STPG2: variants seen among roughly 807,000 people sequenced by gnomAD.
The protein encoded by STPG2 is sperm tail PG-rich repeat containing 2, also known as sperm-tail PG-rich repeat-containing protein 2.
A neutral mutation model predicts 54.2 loss-of-function variants in STPG2; 56 were observed. That is an observed-to-expected ratio of 1.03 (90% CI 0.83 to 1.29). The LOEUF is 1.29. STPG2 is among the 50% of genes most tolerant of loss of function. The pLI is 0.00. For missense variants in STPG2, 596 were observed against 544.9 expected, an observed-to-expected ratio of 1.09 and a Z score of -0.93; for synonymous variants, 200 against 181.8, an observed-to-expected ratio of 1.10 and a Z score of -0.81.
At chr4:97,537,612 CT>C (rs1206526995) in intron 4 of STPG2, among the ~76,000 whole-genome samples, 3 of 152,200 alleles carry the variant, frequency 2.0e-5, no homozygotes, top group African/African-American at 7.2e-5. Flanking sequence ...GACTCCACCT[CT>C]GGGGGCAGGG....
intron 9 of STPG2, among the ~76,000 whole-genome samples, chr4:97,751,943 A>G (rs969010924): frequency 4.0e-5 from 6 of 151,688 alleles, no homozygotes; most frequent in Non-Finnish European, 7.4e-5. Context: ...TCCCTATCAC[A>G]CCTTGACAAT....
chr4:98,084,471 C>T (rs757273743), intron 5 of STPG2, among the ~76,000 whole-genome samples: 1 of 152,086 alleles, frequency 6.6e-6, no homozygotes, highest in Non-Finnish European at 1.5e-5. Flanking sequence ...TTCTGTTACA[C>T]GAATAGGAGT....
intron 8 of STPG2, among the ~76,000 whole-genome samples, chr4:97,872,067 G>A (rs900910484): frequency 6.6e-6 from 1 of 150,956 alleles, no homozygotes; most frequent in South Asian, 2.1e-4. Flanking sequence ...ATGTTAGAAA[G>A]ACCTTTAACA....
At position 97,736,581 on chromosome 4, in the gene STPG2, C is replaced by T. The variant is rs574942061; in HGVS notation, c.1205-23767G>A. Among the ~76,000 whole-genome samples, 25 of 152,278 alleles carry T rather than the reference C, an allele frequency of 1.6e-4. No individual in the cohort carries two copies. In the South Asian group the frequency reaches 5.2e-3, roughly 32 times the overall value. ...TATCCCGCACCTGGCTCAGAGGGTC[C>T]TATGCCCACGGAGTCTCACTGATTG... On this transcript the variant is annotated intron_variant, in intron 9 of 10. Transcript: ENST00000295268.
intron 9 of STPG2, among the ~76,000 whole-genome samples, chr4:97,765,821 C>T (rs1726029196): frequency 6.6e-6 from 1 of 152,046 alleles, no homozygotes; most frequent in African/African-American, 2.4e-5. Context: ...TTCTATTTGT[C>T]AAATAACAGA....
intron 8 of STPG2, among the ~76,000 whole-genome samples, chr4:97,941,359 T>C (rs1732977760): frequency 1.3e-5 from 2 of 152,130 alleles, no homozygotes; most frequent in Non-Finnish European, 2.9e-5. Flanking sequence ...ACTTATGTTT[T>C]TATTCAGCTT....
At chr4:97,903,875 T>C (rs1560580431) in intron 8 of STPG2, among the ~76,000 whole-genome samples, 1 of 152,184 alleles carries the variant, frequency 6.6e-6, no homozygotes, top group Non-Finnish European at 1.5e-5. Flanking sequence ...CCCACCCGAA[T>C]ACTGCGCTTT....
At chr4:97,876,593 T>G (rs1392975946) in intron 8 of STPG2, among the ~76,000 whole-genome samples, 1 of 152,076 alleles carries the variant, frequency 6.6e-6, no homozygotes, top group Non-Finnish European at 1.5e-5. Flanking sequence ...CTGCTTTATT[T>G]TCTTTGAATA....
chr4:97,741,726 G>A (rs1314937592), intron 9 of STPG2, among the ~76,000 whole-genome samples: 1 of 151,910 alleles, frequency 6.6e-6, no homozygotes, highest in African/African-American at 2.4e-5. Flanking sequence ...AGGTGCTGGA[G>A]AGGATGTGGA....
chr4:97,987,521 T>C (rs1377609058), intron 5 of STPG2, among the ~76,000 whole-genome samples: 1 of 152,090 alleles, frequency 6.6e-6, no homozygotes, highest in Non-Finnish European at 1.5e-5. Flanking sequence ...TGAGGTTGAG[T>C]TTTTTATATT....
intron 8 of STPG2, among the ~76,000 whole-genome samples, chr4:97,932,263 T>C (rs1313442268): frequency 6.6e-6 from 1 of 152,230 alleles, no homozygotes; most frequent in Non-Finnish European, 1.5e-5. Flanking sequence ...ATTTTTGCTA[T>C]TTTTCATCTT....
At chr4:97,526,112 C>T (rs1349598912) in intron 4 of STPG2, among the ~76,000 whole-genome samples, 1 of 151,982 alleles carries the variant, frequency 6.6e-6, no homozygotes, top group African/African-American at 2.4e-5. Context: ...ATTAGTTTCC[C>T]TCTAATAATA....
At chr4:97,727,144 T>A (rs936491658) in intron 9 of STPG2, among the ~76,000 whole-genome samples, 2 of 151,906 alleles carry the variant, frequency 1.3e-5, no homozygotes, top group Non-Finnish European at 1.5e-5. Context: ...ATAGTTTGGC[T>A]TCTACAGTAA....
chr4:97,608,594 G>A (rs865865632), intron 10 of STPG2, among the ~76,000 whole-genome samples: 2 of 151,942 alleles, frequency 1.3e-5, no homozygotes, highest in Non-Finnish European at 2.9e-5. Flanking sequence ...ACTTTCCCTC[G>A]GCTTTACAAA....
intron 4 of STPG2, among the ~76,000 whole-genome samples, chr4:97,446,167 T>G (rs981000691): frequency 5.3e-5 from 8 of 152,154 alleles, no homozygotes; most frequent in Admixed American, 1.3e-4. Flanking sequence ...TTACAGAAAT[T>G]TATTTGTATT....
intron 9 of STPG2, among the ~76,000 whole-genome samples, chr4:97,743,031 A>G (rs1270705596): frequency 6.6e-6 from 1 of 151,788 alleles, no homozygotes; most frequent in Non-Finnish European, 1.5e-5. Context: ...TATATATAAT[A>G]GAAATATATT....
At chr4:97,808,447 T>TA (rs912525346) in intron 9 of STPG2, among the ~76,000 whole-genome samples, 32 of 151,756 alleles carry the variant, frequency 2.1e-4, no homozygotes, top group Admixed American at 3.9e-4. Flanking sequence ...TCCACTACGA[T>TA]AAAAATAAAA....
At chr4:97,562,855 C>T (rs142353402) in intron 10 of STPG2, among the ~76,000 whole-genome samples, 2,393 of 151,998 alleles carry the variant, frequency 0.016, 52 homozygotes, top group African/African-American at 0.052. Context: ...AATATTTTAT[C>T]GAGGATTTTT....
intron 10 of STPG2, among the ~76,000 whole-genome samples, chr4:97,571,562 T>A (rs1732601854): frequency 6.6e-6 from 1 of 152,194 alleles, no homozygotes; most frequent in South Asian, 2.1e-4. Context: ...AGACATTCCC[T>A]TCTATTGATC....
Sources: gnomAD v4.1 joint callset for allele counts (sites outside exome capture counted in the v4.1 genomes callset) on GRCh38, gnomAD v4.1.1 for gene constraint, MANE v1.5 for transcripts, NCBI Gene and HGNC (gene_info 2026-07-23, HGNC 2026-07-21) for gene names.